CAMTA2: variants seen among roughly 807,000 people sequenced by gnomAD.
The protein encoded by CAMTA2 is calmodulin-binding transcription activator 2.
In CAMTA2, 56 loss-of-function variants were observed where a neutral mutation model predicts 135.7. The observed-to-expected ratio is 0.41, with a 90% CI of 0.33 to 0.52. CAMTA2 has a LOEUF of 0.52. Among genes scored for constraint, CAMTA2 ranks in the 20% least tolerant of loss-of-function variants. The pLI is 0.16. For synonymous variants in CAMTA2, 591 were observed against 604.6 expected (o/e 0.98, Z 0.33); for missense variants, 1,358 against 1,553.4 (o/e 0.87, Z 2.11).
Position 4,987,618 on chromosome 17 carries a change from G to T in CAMTA2, c.-90C>A. 1 of 1,527,994 alleles carries T rather than the reference G, an allele frequency of 6.5e-7. No individual in the cohort carries two copies. Among genetic ancestry groups the T allele is most frequent in the Non-Finnish European group, 8.7e-7 (1 of 1,143,100 alleles). The allele number at this position is 1,527,994 out of a possible 1,614,324, so 94.7% of individuals were successfully genotyped here. On this transcript the variant is annotated 5_prime_UTR_variant, in exon 1 of 23. Transcript: ENST00000348066. ...CTCCCGGGGTCCCGCGGGTGACGGC[G>T]GCAGCGGCCATTCTACCCCACACCG...
At position 4,969,506 on chromosome 17, in the gene CAMTA2, T is replaced by C; in HGVS notation, c.3276A>G (p.Ala1092=). ...CAGAGCTCATGCCTAATACCTTAAG[T>C]GCAATCCAGGTCAGCTTGTGGAGAG... ...YRKYKQLTWI[A]LKFALYKKMT... Residue 1092 remains alanine (A), a synonymous_variant, in exon 20 of 23, where the codon GCA becomes GCG. Transcript: ENST00000348066. This position sits in a 1 kb window ranked among gnomAD's most constrained non-coding sequence, Gnocchi z 5.6. The C allele has an allele frequency of 6.2e-7, 1 of 1,614,124 alleles. No homozygotes were observed. The highest frequency in any genetic ancestry group is 1.1e-5 in the South Asian group (1 of 91,078).
Position 4,979,851 on chromosome 17 carries a change from C to T in CAMTA2, c.1471G>A (p.Gly491Arg). Residue 491 changes from glycine (G) to arginine (R), a missense_variant, in exon 9 of 23, where the codon GGA becomes AGA. By Grantham distance (125) the Gly-to-Arg change is moderately radical. Transcript: ENST00000348066. ...TCCAGTTCACTGGCCCCAACAGGTC[C>T]TCCAAACAAGGCCTCTCCTCTTCCT... ...RVGRGEALFGGPVGASELEPF... is the reference protein window; with the variant it reads ...RVGRGEALFGRPVGASELEPF... 1.9e-6 allele frequency: 3 copies of T among 1,613,772 alleles called. No homozygotes were observed. Among genetic ancestry groups the T allele is most frequent in the Non-Finnish European group, 1.7e-6 (2 of 1,179,954 alleles).
In CAMTA2 at chr17:4,969,113, C is replaced by T. The variant is rs1478289598; in HGVS notation, c.3470+37G>A. ...TGAGTAAGGGGGAATGGCGTGGATGCAGTGGGTGGGCACAGAGGGCTGGGG... is the reference window on the plus strand; with the variant it reads ...TGAGTAAGGGGGAATGGCGTGGATGTAGTGGGTGGGCACAGAGGGCTGGGG... On this transcript the variant is annotated intron_variant, in intron 21 of 22. Coordinates refer to ENST00000348066, the MANE Select transcript of CAMTA2 (RefSeq NM_015099.4). This position sits in a 1 kb window ranked among gnomAD's most constrained non-coding sequence, Gnocchi z 5.6. 6.3e-7 allele frequency: 1 copy of T among 1,588,212 alleles called. No homozygotes were observed. Among genetic ancestry groups the T allele is most frequent in the Non-Finnish European group, 8.6e-7 (1 of 1,166,184 alleles).
At chr17:4,974,600 A>T in intron 11 of CAMTA2, 100 bp from the exon 12 acceptor site, 1 of 730,182 alleles carries the variant, frequency 1.4e-6, no homozygotes, top group Non-Finnish European at 2.5e-6. Context: ...AGGACACAGA[A>T]CCATATTCTT....
chr17:4,968,864 ACGG>A (rs1490506586), intron 22 of CAMTA2, 40 bp downstream of exon 22: 6 of 1,612,456 alleles, frequency 3.7e-6, no homozygotes, highest in Non-Finnish European at 5.1e-6. Context: ...GCGGATCACG[ACGG>A]GTGGCAACGC....
rs939249778 is a variant in CAMTA2, at chr17:4,980,130, G to A, written c.1192C>T (p.Pro398Ser). The A allele has an allele frequency of 6.2e-7, 1 of 1,600,778 alleles. No homozygotes were observed. The highest frequency in any genetic ancestry group is 8.5e-7 in the Non-Finnish European group (1 of 1,172,614). ...QTYGGGQGVSPDFPEAEAAHT... is the reference protein window; with the variant it reads ...QTYGGGQGVSSDFPEAEAAHT... ...GCGGCCTCTGCCTCGGGGAAGTCTGGGCTTACTCCCTGCCCCCCTCCATAT... is the reference window on the plus strand; with the variant it reads ...GCGGCCTCTGCCTCGGGGAAGTCTGAGCTTACTCCCTGCCCCCCTCCATAT... Residue 398 changes from proline (P) to serine (S), a missense_variant, in exon 9 of 23, where the codon CCA becomes TCA. Pro to Ser is a moderately conservative substitution (Grantham distance 74). Coordinates refer to ENST00000348066, the MANE Select transcript of CAMTA2 (RefSeq NM_015099.4). The surrounding 1 kb of genome is among the most constrained non-coding windows in gnomAD (Gnocchi z 5.3).
chr17:4,969,360 CA>C lies in CAMTA2; in HGVS notation c.3283-24del. ...AAACTGCAGGGGTGGGGAGGAGGGA[CA>C]GGGGCTGAAATAGAGGGACGGAGAC... On this transcript the variant is annotated intron_variant, in intron 20 of 22. Coordinates refer to ENST00000348066, the MANE Select transcript of CAMTA2 (RefSeq NM_015099.4). This position sits in a 1 kb window ranked among gnomAD's most constrained non-coding sequence, Gnocchi z 5.6. The C allele has an allele frequency of 6.2e-7, 1 of 1,612,896 alleles. No homozygotes were observed. Among genetic ancestry groups the C allele is most frequent in the Non-Finnish European group, 8.5e-7 (1 of 1,179,068 alleles).
In CAMTA2 at chr17:4,986,276, G is replaced by C; in HGVS notation, c.-54C>G. The C allele has an allele frequency of 1.4e-6, 2 of 1,443,620 alleles. No homozygotes were observed. The highest frequency in any genetic ancestry group is 2.3e-5 in the South Asian group (2 of 85,250). The allele number at this position is 1,443,620 out of a possible 1,614,324, so 89.4% of individuals were successfully genotyped here. ...CCCGGCCTGAGGGGCCGGGGGGAGG[G>C]GGAGTCTGTGCTGGGAAGGGAGAGA... is the stretch of plus-strand genomic sequence containing the variant. On this transcript the variant is annotated 5_prime_UTR_variant, in exon 2 of 23. Coordinates refer to ENST00000348066, the MANE Select transcript of CAMTA2 (RefSeq NM_015099.4).
At chr17:4,986,009 T>G in intron 2 of CAMTA2, 26 bp from the exon 3 acceptor site, 2 of 1,511,128 alleles carry the variant, frequency 1.3e-6, no homozygotes, top group African/African-American at 1.4e-5. Context: ...AGGGAGGGTT[T>G]AGTGTGCTAC....
chr17:4,981,101 T>C, intron 8 of CAMTA2, 124 bp downstream of exon 8: 2 of 1,242,536 alleles, frequency 1.6e-6, no homozygotes, highest in South Asian at 2.8e-5. Flanking sequence ...GGCCCATCTT[T>C]CTGGGACATG....
intron 11 of CAMTA2, among the ~76,000 whole-genome samples, chr17:4,975,999 A>G (rs1972590494): frequency 6.6e-6 from 1 of 152,192 alleles, no homozygotes; most frequent in African/African-American, 2.4e-5. Context: ...AAGTAGTAGT[A>G]TAGGAAATTT....
In CAMTA2 at chr17:4,978,616, C is replaced by T. The variant is rs1422268029; in HGVS notation, c.1653G>A (p.Val551=). 1 of 1,613,350 alleles carries T rather than the reference C, an allele frequency of 6.2e-7. No homozygotes were observed. The highest frequency in any genetic ancestry group is 1.1e-5 in the South Asian group (1 of 91,040). ...CTTCGGTCCAAGGACCTGTGATGAGCACCTTGACCCCACCCTGCAGACAGA... is the reference window on the plus strand; with the variant it reads ...CTTCGGTCCAAGGACCTGTGATGAGTACCTTGACCCCACCCTGCAGACAGA... ...EWSYPEGGVK[V]LITGPWTEAA... is the part of the protein sequence containing the mutation. The change falls in exon 10 of 23, where the codon GTG becomes GTA. Residue 551 remains valine (V), a synonymous_variant. Coordinates refer to ENST00000348066, the MANE Select transcript of CAMTA2 (RefSeq NM_015099.4).
At position 4,970,622 on chromosome 17, in the gene CAMTA2, T is replaced by C; in HGVS notation, c.2809-86A>G. ...GTCCATTCCTATCTTGTTCCTTCTC[T>C]CCCTGCCAGGTGCTGCTAACCCTGT... On this transcript the variant is annotated intron_variant, in intron 16 of 22. Transcript: ENST00000348066. 3 of 1,136,428 alleles carry C rather than the reference T, an allele frequency of 2.6e-6. No homozygotes were observed. In the South Asian group the frequency reaches 3.9e-5, roughly 15 times the overall value. The allele number at this position is 1,136,428 out of a possible 1,614,324, so 70.4% of individuals were successfully genotyped here.
intron 1 of CAMTA2, 41 bp downstream of exon 1, chr17:4,987,552 G>A (rs1361809368): frequency 2.7e-6 from 4 of 1,505,182 alleles, no homozygotes; most frequent in Admixed American, 4.2e-5. Context: ...GCGCCCTCTG[G>A]CGCGGGGGCG....
chr17:4,969,747 T>A lies in CAMTA2; in HGVS notation c.3190-46A>T, dbSNP rs778034655. 166 of 1,610,230 alleles carry A rather than the reference T, an allele frequency of 1.0e-4. No individual in the cohort carries two copies. The highest frequency in any genetic ancestry group is 1.1e-4 in the Non-Finnish European group (132 of 1,177,020). On this transcript the variant is annotated intron_variant, in intron 18 of 22. Transcript: ENST00000348066. This position sits in a 1 kb window ranked among gnomAD's most constrained non-coding sequence, Gnocchi z 5.6. ...CCACCTCATGACCCACATAATGGCA[T>A]ATCTGACTTGTCCCTTCAACTTTCC...
chr17:4,971,689 GTC>G (rs1972296058), intron 16 of CAMTA2, among the ~76,000 whole-genome samples: 2 of 114,902 alleles, frequency 1.7e-5, no homozygotes, highest in South Asian at 5.0e-4. Flanking sequence ...TTACTATTTT[GTC>G]TTTTTTTTTT....
rs1972117467 is a variant in CAMTA2 at position 4,969,406 on chromosome 17, C to G, written c.3283-69G>C. 1 of 1,608,280 alleles carries G rather than the reference C, an allele frequency of 6.2e-7. No individual in the cohort carries two copies. The highest frequency in any genetic ancestry group is 8.5e-7 in the Non-Finnish European group (1 of 1,174,828). On this transcript the variant is annotated intron_variant, in intron 20 of 22. Coordinates refer to ENST00000348066, the MANE Select transcript of CAMTA2 (RefSeq NM_015099.4). The surrounding 1 kb of genome is among the most constrained non-coding windows in gnomAD (Gnocchi z 5.6). ...GGAGACCCAAAGCCCTGAGGCTCAC[C>G]CAAGTTAGGCTGATGCAAGACTCTC...
chr17:4,975,298 C>A (rs1484897162), intron 11 of CAMTA2, among the ~76,000 whole-genome samples: 3 of 151,496 alleles, frequency 2.0e-5, no homozygotes, highest in Non-Finnish European at 4.4e-5. Context: ...TGAACAGAAA[C>A]CCAAGGAAAA....
chr17:4,979,529 A>AAT, intron 9 of CAMTA2, 155 bp downstream of exon 9: 6 of 438,468 alleles, frequency 1.4e-5, no homozygotes, highest in Admixed American at 4.1e-5. Context: ...AAAAAAAAAA[A>AAT]GAGAGAGATT....
Sources: gnomAD v4.1 joint callset for allele counts (sites outside exome capture counted in the v4.1 genomes callset) on GRCh38, gnomAD v4.1.1 for gene constraint, Gnocchi (gnomAD v3.1) non-coding constraint, MANE v1.5 for transcripts, NCBI Gene and HGNC (gene_info 2026-07-23, HGNC 2026-07-21) for gene names.